The following DIS3L2 variants were observed in gnomAD, a reference collection of about 807,000 sequenced individuals.
The protein encoded by DIS3L2 is DIS3 like 3'-5' exoribonuclease 2.
A neutral mutation model predicts 97.5 loss-of-function variants in DIS3L2; 34 were observed. The observed-to-expected ratio is 0.35, with a 90% CI of 0.27 to 0.46. DIS3L2 has a LOEUF of 0.46. Among genes scored for constraint, DIS3L2 ranks in the 20% least tolerant of loss-of-function variants. The pLI is 1.00. For synonymous variants in DIS3L2, 435 were observed against 445.2 expected (o/e 0.98, Z 0.29); for missense variants, 1,038 against 1,146.0 (o/e 0.91, Z 1.36).
intron 10 of DIS3L2, among the ~76,000 whole-genome samples, chr2:232,216,855 C>T (rs1436403619): frequency 1.3e-5 from 2 of 150,968 alleles, no homozygotes; most frequent in Non-Finnish European, 3.0e-5. Context: ...CCTCCCCTCC[C>T]CTCTTTTGAT....
intron 11 of DIS3L2, among the ~76,000 whole-genome samples, chr2:232,243,801 A>T (rs1693172881): frequency 1.3e-5 from 2 of 152,212 alleles, no homozygotes; most frequent in African/African-American, 4.8e-5. Flanking sequence ...GTCCCCTCGG[A>T]GATAGGGTCC....
chr2:232,166,072 CAATAAATA>C (rs111484613), intron 9 of DIS3L2, among the ~76,000 whole-genome samples: 2,288 of 138,110 alleles, frequency 0.017, 22 homozygotes, highest in Non-Finnish European at 0.022. Flanking sequence ...CCTGTCTCTA[CAATAAATA>C]AATAAATAAA....
rs377644356 is a variant in DIS3L2 at position 232,300,060 on chromosome 2, G to A, written c.1680G>A (p.Leu560=). 1.0e-4 allele frequency: 164 copies of A among 1,613,580 alleles called. 2 individuals are homozygous for A. The highest frequency in any genetic ancestry group is 3.3e-4 in the Middle Eastern group (2 of 6,082). Residue 560 remains leucine (L), a synonymous_variant, in exon 14 of 21, where the codon CTG becomes CTA. Transcript: ENST00000325385. ...RLDQLKLAFT[L]DHETGLPQGC... ...TTCAGCTAAAGCTTGCTTTCACTCTGGACCACGAGACCGGATTGCCTCAAG... is the reference window on the plus strand; with the variant it reads ...TTCAGCTAAAGCTTGCTTTCACTCTAGACCACGAGACCGGATTGCCTCAAG...
At chr2:232,319,209 A>G (rs1695359582) in intron 14 of DIS3L2, among the ~76,000 whole-genome samples, 1 of 152,122 alleles carries the variant, frequency 6.6e-6, no homozygotes, top group African/African-American at 2.4e-5. Flanking sequence ...GCACCCTACC[A>G]CACTGGCCTT....
intron 3 of DIS3L2, among the ~76,000 whole-genome samples, chr2:232,020,322 A>G (rs914517817): frequency 6.6e-6 from 1 of 152,182 alleles, no homozygotes; most frequent in African/African-American, 2.4e-5. Flanking sequence ...GAGGCCACTC[A>G]GGAAGGTATC....
At chr2:231,964,457 G>GTGT in intron 1 of DIS3L2, among the ~76,000 whole-genome samples, 1 of 152,174 alleles carries the variant, frequency 6.6e-6, no homozygotes, top group East Asian at 1.9e-4. Context: ...GTTGTTAATA[G>GTGT]CATGGACTTA....
At chr2:231,985,155 G>A (rs531908806) in intron 1 of DIS3L2, among the ~76,000 whole-genome samples, 26 of 152,262 alleles carry the variant, frequency 1.7e-4, no homozygotes, top group African/African-American at 6.3e-4. Flanking sequence ...CACATCTGTA[G>A]ATTGTGTGAC....
intron 1 of DIS3L2, among the ~76,000 whole-genome samples, chr2:232,000,722 C>T (rs1367987054): frequency 1.9e-5 from 2 of 103,920 alleles, no homozygotes; most frequent in Admixed American, 1.1e-4. Flanking sequence ...CTTTCTTCTT[C>T]TTCTTTTTTT....
chr2:232,277,379 G>GT (rs1339142078), intron 13 of DIS3L2, among the ~76,000 whole-genome samples: 1 of 152,092 alleles, frequency 6.6e-6, no homozygotes, highest in Non-Finnish European at 1.5e-5. Flanking sequence ...AGTTTTTGCT[G>GT]TTATAAATAA....
chr2:232,267,446 G>A (rs1276830031), intron 13 of DIS3L2, among the ~76,000 whole-genome samples: 1 of 152,192 alleles, frequency 6.6e-6, no homozygotes, highest in Non-Finnish European at 1.5e-5. Flanking sequence ...TGGATGGGTT[G>A]AGTAATACCC....
At chr2:232,148,336 C>T (rs567385555) in intron 8 of DIS3L2, among the ~76,000 whole-genome samples, 21 of 152,156 alleles carry the variant, frequency 1.4e-4, no homozygotes, top group African/African-American at 3.4e-4. Context: ...TGTGAGCCAC[C>T]GCACCCGGCC....
rs1697527900 is a variant in DIS3L2 at position 232,111,378 on chromosome 2, C to T, written c.602-19241C>T. Reference sequence around the variant, plus strand: ...CATCTAGTGTTTGCTTCCCTTTTCCCTTTCTCATATGTATACCGATTTTCG... The same window carrying T: ...CATCTAGTGTTTGCTTCCCTTTTCCTTTTCTCATATGTATACCGATTTTCG... On this transcript the variant is annotated intron_variant, in intron 6 of 20. Coordinates refer to ENST00000325385, the MANE Select transcript of DIS3L2 (RefSeq NM_152383.5). 9.7e-6 allele frequency: 4 copies of T among 410,372 alleles called. No individual in the cohort carries two copies. The Middle Eastern group carries it at 2.2e-3, about 226-fold the overall frequency. 25.4% of individuals were successfully genotyped at this position (410,372 alleles called of 1,614,324 possible).
At chr2:232,022,105 T>G (rs1397461184) in intron 3 of DIS3L2, among the ~76,000 whole-genome samples, 2 of 152,200 alleles carry the variant, frequency 1.3e-5, no homozygotes, top group African/African-American at 2.4e-5. Context: ...ATCCTTTAGT[T>G]AAATGACCAT....
chr2:232,018,184 G>T (rs1452356364), intron 3 of DIS3L2, among the ~76,000 whole-genome samples: 2 of 152,162 alleles, frequency 1.3e-5, no homozygotes, highest in Non-Finnish European at 2.9e-5. Context: ...CGAAGGAGAG[G>T]ACAGCGTTCT....
intron 6 of DIS3L2, among the ~76,000 whole-genome samples, chr2:232,106,963 A>G (rs1697374145): frequency 6.6e-6 from 1 of 152,234 alleles, no homozygotes; most frequent in Non-Finnish European, 1.5e-5. Context: ...ACTTAAAATT[A>G]TGCAACCACA....
At chr2:232,188,812 G>T (rs945955224) in intron 9 of DIS3L2, among the ~76,000 whole-genome samples, 5 of 152,146 alleles carry the variant, frequency 3.3e-5, no homozygotes, top group African/African-American at 1.2e-4. Flanking sequence ...TCTTTCTGCA[G>T]CTGGGAGAAA....
chr2:232,226,503 A>G (rs1179216132), intron 10 of DIS3L2, among the ~76,000 whole-genome samples: 1 of 152,234 alleles, frequency 6.6e-6, no homozygotes, highest in Non-Finnish European at 1.5e-5. Context: ...AGTTGAGTGT[A>G]TTTATATGCC....
At chr2:232,131,056 T>A in intron 7 of DIS3L2, 1 of 236,912 alleles carries the variant, frequency 4.2e-6, no homozygotes, top group Non-Finnish European at 8.0e-6. Flanking sequence ...AGAAGCAGTA[T>A]GAATATAGAC....
intron 14 of DIS3L2, among the ~76,000 whole-genome samples, chr2:232,321,212 A>G (rs1004565014): frequency 1.3e-5 from 2 of 152,150 alleles, no homozygotes; most frequent in African/African-American, 2.4e-5. Context: ...GAGTGTGACA[A>G]CCAAGGACCC....
Sources: allele counts gnomAD v4.1 joint callset (sites outside exome capture counted in the v4.1 genomes callset), GRCh38; gene constraint gnomAD v4.1.1; transcripts MANE v1.5; gene names NCBI Gene and HGNC (gene_info 2026-07-23, HGNC 2026-07-21).